The following KHDRBS3 variants were observed in gnomAD, a reference collection of about 807,000 sequenced individuals.
KHDRBS3 encodes the protein KH RNA binding domain containing, signal transduction associated 3.
KHDRBS3 carries 23 observed loss-of-function variants against 45.6 expected under a neutral mutation model. The observed-to-expected ratio is 0.50, with a 90% CI of 0.36 to 0.72. The LOEUF (loss-of-function observed/expected upper bound fraction) is 0.72, where lower values mean the gene tolerates loss of function less well. KHDRBS3 is among the 30% of genes least tolerant of loss of function. The pLI, the probability that KHDRBS3 is intolerant of heterozygous loss-of-function variation, is 0.00. For synonymous variants in KHDRBS3, 162 were observed against 156.5 expected (o/e 1.04, Z -0.26); for missense variants, 352 against 424.8 (o/e 0.83, Z 1.51).
intron 1 of KHDRBS3, among the ~76,000 whole-genome samples, chr8:135,488,587 C>T (rs1379609505): frequency 2.6e-5 from 4 of 152,146 alleles, no homozygotes; most frequent in Non-Finnish European, 5.9e-5. Context: ...GAGTTCCAGG[C>T]ATCCTTTTGA....
chr8:135,646,962 A>G (rs368432748), intron 8 of KHDRBS3, 31 bp from the exon 9 acceptor site: 1 of 1,168,316 alleles, frequency 8.6e-7, no homozygotes, highest in Non-Finnish European at 1.3e-6. Context: ...CATGGCAGTG[A>G]TCTAATTGTG....
At chr8:135,620,412 T>A (rs1410594658) in intron 7 of KHDRBS3, among the ~76,000 whole-genome samples, 5 of 152,236 alleles carry the variant, frequency 3.3e-5, no homozygotes, top group African/African-American at 9.6e-5. Flanking sequence ...GCAAGGCCCT[T>A]CCTGACCTGG....
intron 5 of KHDRBS3, among the ~76,000 whole-genome samples, chr8:135,580,399 A>G (rs1288036434): frequency 6.6e-6 from 1 of 152,196 alleles, no homozygotes; most frequent in Non-Finnish European, 1.5e-5. Context: ...TTGGAAGATC[A>G]TTAACTATTG....
chr8:135,623,172 A>G (rs1830218468), intron 7 of KHDRBS3, among the ~76,000 whole-genome samples: 1 of 152,222 alleles, frequency 6.6e-6, no homozygotes, highest in Admixed American at 6.5e-5. Context: ...TCTGTAATTG[A>G]TAGTATTTTG....
intron 7 of KHDRBS3, among the ~76,000 whole-genome samples, chr8:135,642,918 A>T (rs752673481): frequency 1.3e-5 from 2 of 151,702 alleles, no homozygotes; most frequent in Non-Finnish European, 2.9e-5. Context: ...TCAGCATCCC[A>T]AGTAGCTGGG....
At chr8:135,548,718 C>G in intron 3 of KHDRBS3, 36 bp from the exon 4 acceptor site, 1 of 1,417,528 alleles carries the variant, frequency 7.1e-7, no homozygotes, top group Non-Finnish European at 9.4e-7. Context: ...TATAATGACA[C>G]GTTTTTAAAT....
chr8:135,573,012 T>A (rs1314773263), intron 5 of KHDRBS3, among the ~76,000 whole-genome samples: 1 of 152,158 alleles, frequency 6.6e-6, no homozygotes, highest in East Asian at 1.9e-4. Context: ...ACCCCTCAGG[T>A]GCTTATTGTA....
Position 135,647,258 on chromosome 8 carries a change from A to AAAAG in KHDRBS3, c.*176_*177insAGAA. ...TCAACCTGGGCAGAAAAAAAAAAAAAAAGACATGTAAAATTTTGTTATTTC... is the reference window on the plus strand; with the variant it reads ...TCAACCTGGGCAGAAAAAAAAAAAAAAAAGAAGACATGTAAAATTTTGTTATTTC... On this transcript the variant is annotated 3_prime_UTR_variant, in exon 9 of 9. Transcript: ENST00000355849. 4 of 400,498 alleles carry AAAAG rather than the reference A, an allele frequency of 1.0e-5. No individual in the cohort carries two copies. The East Asian group carries it at 1.5e-4, about 15-fold the overall frequency. 24.8% of individuals were successfully genotyped at this position (400,498 alleles called of 1,614,324 possible). A position where few individuals can be genotyped will look rare whatever the true frequency, so the allele number is the denominator to read the frequency against.
intron 1 of KHDRBS3, among the ~76,000 whole-genome samples, chr8:135,517,728 A>T (rs1824686545): frequency 6.6e-6 from 1 of 152,160 alleles, no homozygotes; most frequent in Non-Finnish European, 1.5e-5. Flanking sequence ...GACTCCCGCG[A>T]TGGGGCTCAG....
At chr8:135,535,594 A>G (rs549259936) in intron 2 of KHDRBS3, among the ~76,000 whole-genome samples, 18 of 151,988 alleles carry the variant, frequency 1.2e-4, no homozygotes, top group Non-Finnish European at 1.5e-4. Flanking sequence ...GTGTTGGGTC[A>G]AGAAGTTTAA....
At chr8:135,558,932 A>C (rs1003168526) in intron 5 of KHDRBS3, among the ~76,000 whole-genome samples, 1 of 152,130 alleles carries the variant, frequency 6.6e-6, no homozygotes, top group African/African-American at 2.4e-5. Flanking sequence ...TGTCTCTTCC[A>C]GTTTCTGATG....
At chr8:135,626,630 C>T (rs575994614) in intron 7 of KHDRBS3, among the ~76,000 whole-genome samples, 1 of 152,122 alleles carries the variant, frequency 6.6e-6, no homozygotes, top group Non-Finnish European at 1.5e-5. Flanking sequence ...GGTGAAACCC[C>T]GTTTCTACTA....
At chr8:135,553,400 A>G (rs1048993243) in intron 4 of KHDRBS3, among the ~76,000 whole-genome samples, 4 of 151,654 alleles carry the variant, frequency 2.6e-5, no homozygotes, top group Admixed American at 1.3e-4. Flanking sequence ...CAGAAGTCGC[A>G]TGTCCTATTA....
chr8:135,591,374 T>C (rs1828736302), intron 6 of KHDRBS3, among the ~76,000 whole-genome samples: 1 of 152,252 alleles, frequency 6.6e-6, no homozygotes, highest in African/African-American at 2.4e-5. Flanking sequence ...ATGTCTTATT[T>C]CCTCATAGGA....
At chr8:135,548,931 G>A (rs746277977) in intron 4 of KHDRBS3, 31 bp downstream of exon 4, 14 of 1,476,986 alleles carry the variant, frequency 9.5e-6, no homozygotes, top group Middle Eastern at 3.6e-4. Context: ...TAGTTAACTT[G>A]TACTTTAAAG....
chr8:135,491,186 G>A (rs1350567676), intron 1 of KHDRBS3, among the ~76,000 whole-genome samples: 2 of 152,006 alleles, frequency 1.3e-5, no homozygotes, highest in Non-Finnish European at 2.9e-5. Flanking sequence ...TTGGAGTTGG[G>A]TTTTTTTGTA....
chr8:135,481,223 G>GAGAT (rs376347444), intron 1 of KHDRBS3, among the ~76,000 whole-genome samples: 4 of 77,406 alleles, frequency 5.2e-5, no homozygotes, highest in Admixed American at 1.5e-4. Context: ...TGAAAGCCAC[G>GAGAT]ATATATATAT....
chr8:135,475,628 A>G (rs1037253918), intron 1 of KHDRBS3, among the ~76,000 whole-genome samples: 5 of 152,006 alleles, frequency 3.3e-5, no homozygotes, highest in South Asian at 4.2e-4. Context: ...GTCTGGTTTT[A>G]AATCTCAAAT....
chr8:135,532,306 C>A (rs12680730), intron 2 of KHDRBS3, among the ~76,000 whole-genome samples: 15,312 of 152,158 alleles, frequency 0.1, 861 homozygotes, highest in East Asian at 0.18. Context: ...AAGTATCGAT[C>A]GGTTCTTTCA....
Sources: allele counts gnomAD v4.1 joint callset (sites outside exome capture counted in the v4.1 genomes callset), GRCh38; gene constraint gnomAD v4.1.1; transcripts MANE v1.5; gene names NCBI Gene and HGNC (gene_info 2026-07-23, HGNC 2026-07-21).